TMEM200A: variants seen among roughly 807,000 people sequenced by gnomAD.
TMEM200A encodes transmembrane protein 200A.
Under a neutral mutation model 24.3 loss-of-function variants are expected in TMEM200A, and 12 were observed. The ratio of observed to expected loss-of-function variants is 0.49; its 90% CI spans 0.32 to 0.80. The LOEUF is 0.80. TMEM200A is among the 30% of genes least tolerant of loss of function. The pLI is 0.04. For synonymous variants in TMEM200A, 224 were observed against 224.4 expected (o/e 1.00, Z 0.02); for missense variants, 545 against 614.4 (o/e 0.89, Z 1.19).
At chr6:130,440,142 C>A (rs1780119974) in intron 2 of TMEM200A, among the ~76,000 whole-genome samples, 1 of 151,890 alleles carries the variant, frequency 6.6e-6, no homozygotes, top group Non-Finnish European at 1.5e-5. Context: ...TCCTTGAGCT[C>A]ACATTTAATC....
intron 2 of TMEM200A, among the ~76,000 whole-genome samples, chr6:130,426,315 C>T (rs1162263028): frequency 2.6e-5 from 4 of 152,002 alleles, no homozygotes; most frequent in Non-Finnish European, 5.9e-5. Flanking sequence ...CTGTGCAGCA[C>T]GCAAAAGATG....
chr6:130,399,455 G>A (rs1209278853), intron 2 of TMEM200A, among the ~76,000 whole-genome samples: 1 of 151,692 alleles, frequency 6.6e-6, no homozygotes, highest in Non-Finnish European at 1.5e-5. Context: ...TTTATTCATG[G>A]CGTTTTCCTC....
chr6:130,403,854 G>A (rs1779145565), intron 2 of TMEM200A, among the ~76,000 whole-genome samples: 1 of 151,968 alleles, frequency 6.6e-6, no homozygotes. Flanking sequence ...GCCCCAGTGT[G>A]TGTTGTTCCT....
intron 2 of TMEM200A, among the ~76,000 whole-genome samples, chr6:130,431,378 A>T (rs979931531): frequency 1.3e-5 from 2 of 152,156 alleles, no homozygotes; most frequent in Non-Finnish European, 2.9e-5. Flanking sequence ...TCAGTTCTTC[A>T]TCCAGGAATA....
At chr6:130,422,432 C>A (rs1249447614) in intron 2 of TMEM200A, among the ~76,000 whole-genome samples, 2 of 152,070 alleles carry the variant, frequency 1.3e-5, no homozygotes, top group East Asian at 1.9e-4. Flanking sequence ...CCACACCCAG[C>A]TAATTTTTGT....
At chr6:130,380,934 C>T (rs1778581463) in intron 1 of TMEM200A, among the ~76,000 whole-genome samples, 1 of 152,184 alleles carries the variant, frequency 6.6e-6, no homozygotes, top group Admixed American at 6.5e-5. Flanking sequence ...CTGCAGAAAG[C>T]TGTGATCGTG....
At chr6:130,405,653 G>A (rs1281697337) in intron 2 of TMEM200A, among the ~76,000 whole-genome samples, 1 of 152,112 alleles carries the variant, frequency 6.6e-6, no homozygotes, top group Non-Finnish European at 1.5e-5. Flanking sequence ...GGAGAAAATC[G>A]TGCAATTTAG....
intron 1 of TMEM200A, among the ~76,000 whole-genome samples, chr6:130,370,983 T>G (rs1778308737): frequency 6.6e-6 from 1 of 152,170 alleles, no homozygotes; most frequent in Non-Finnish European, 1.5e-5. Context: ...AGGCACAGAT[T>G]AGGATTTTCA....
intron 2 of TMEM200A, among the ~76,000 whole-genome samples, chr6:130,390,883 A>G (rs765965740): frequency 1.1e-4 from 16 of 152,174 alleles, no homozygotes; most frequent in African/African-American, 2.2e-4. Flanking sequence ...CTCAACCTCT[A>G]CACTATTGAC....
At chr6:130,431,931 T>G (rs138330802) in intron 2 of TMEM200A, among the ~76,000 whole-genome samples, 1 of 152,192 alleles carries the variant, frequency 6.6e-6, no homozygotes, top group Non-Finnish European at 1.5e-5. Context: ...TTGAATATCA[T>G]TTTGCAAATT....
intron 2 of TMEM200A, among the ~76,000 whole-genome samples, chr6:130,386,628 T>C (rs949347072): frequency 6.6e-6 from 1 of 152,138 alleles, no homozygotes; most frequent in African/African-American, 2.4e-5. Flanking sequence ...AACATCAACT[T>C]CTAGTGCAGA....
At chr6:130,391,226 A>G (rs139965406) in intron 2 of TMEM200A, among the ~76,000 whole-genome samples, 96 of 152,338 alleles carry the variant, frequency 6.3e-4, no homozygotes, top group African/African-American at 2.2e-3. Flanking sequence ...GGTTTAAGAA[A>G]TACTTAAAGA....
chr6:130,381,729 G>A (rs1778602334), intron 1 of TMEM200A, among the ~76,000 whole-genome samples: 1 of 152,176 alleles, frequency 6.6e-6, no homozygotes, highest in Admixed American at 6.5e-5. Context: ...TGTTGTTGTT[G>A]TTGAGATGCA....
chr6:130,436,662 T>TTTTTTTTTTTTTTTTTC (rs1408022765), intron 2 of TMEM200A, among the ~76,000 whole-genome samples: 1 of 128,278 alleles, frequency 7.8e-6, no homozygotes, highest in Non-Finnish European at 1.6e-5. Flanking sequence ...TTTTTTTTTT[T>TTTTTTTTTTTTTTTTTC]CAGAGAGACA....
intron 1 of TMEM200A, among the ~76,000 whole-genome samples, 171 bp from the exon 2 acceptor site, chr6:130,385,002 T>A (rs1464795249): frequency 6.6e-6 from 1 of 152,230 alleles, no homozygotes; most frequent in Non-Finnish European, 1.5e-5. Flanking sequence ...AAGAAACACA[T>A]GACCATTCAG....
chr6:130,401,981 T>C (rs913608199), intron 2 of TMEM200A, among the ~76,000 whole-genome samples: 1 of 151,992 alleles, frequency 6.6e-6, no homozygotes, highest in African/African-American at 2.4e-5. Flanking sequence ...GACATGCAGT[T>C]TCTTTCTGTT....
At chr6:130,379,421 C>T (rs1778544241) in intron 1 of TMEM200A, among the ~76,000 whole-genome samples, 1 of 152,110 alleles carries the variant, frequency 6.6e-6, no homozygotes. Context: ...GGAATTTATG[C>T]TGAATGTGGT....
At chr6:130,390,957 CTG>C (rs1778818761) in intron 2 of TMEM200A, among the ~76,000 whole-genome samples, 2 of 152,212 alleles carry the variant, frequency 1.3e-5, no homozygotes, top group Non-Finnish European at 2.9e-5. Flanking sequence ...CCTCTACCTA[CTG>C]TGTGCTAGTA....
At chr6:130,393,784 A>G (rs1778890680) in intron 2 of TMEM200A, among the ~76,000 whole-genome samples, 1 of 152,214 alleles carries the variant, frequency 6.6e-6, no homozygotes, top group African/African-American at 2.4e-5. Context: ...AACATCACTA[A>G]CCATTTTATG....
Sources: allele counts gnomAD v4.1 joint callset (sites outside exome capture counted in the v4.1 genomes callset), GRCh38; gene constraint gnomAD v4.1.1; transcripts MANE v1.5; gene names NCBI Gene and HGNC (gene_info 2026-07-23, HGNC 2026-07-21).